The following BNC2 variants were observed in gnomAD, a reference collection of about 807,000 sequenced individuals.
The protein encoded by BNC2 is basonuclin zinc finger protein 2, also known as zinc finger protein basonuclin-2.
BNC2 carries 20 observed loss-of-function variants against 76.3 expected under a neutral mutation model. That is an observed-to-expected ratio of 0.26 (90% CI 0.18 to 0.38). The LOEUF (loss-of-function observed/expected upper bound fraction) is 0.38. Ranked by LOEUF, BNC2 falls within the 10% of genes least tolerant of loss-of-function variation. BNC2 has a pLI of 1.00. For missense variants in BNC2, 1,382 were observed against 1,399.8 expected (o/e 0.99, Z 0.20); for synonymous variants, 582 against 514.8 (o/e 1.13, Z -1.77).
intron 3 of BNC2, among the ~76,000 whole-genome samples, chr9:16,715,616 G>C (rs1025120179): frequency 6.6e-6 from 1 of 152,146 alleles, no homozygotes; most frequent in South Asian, 2.1e-4. Flanking sequence ...TGGATTTTTG[G>C]CTCATCATTA....
chr9:16,830,646 T>C (rs1355953313), intron 1 of BNC2, among the ~76,000 whole-genome samples: 1 of 152,236 alleles, frequency 6.6e-6, no homozygotes, highest in African/African-American at 2.4e-5. Flanking sequence ...GATTGCCAAC[T>C]TACAAATCTT....
chr9:16,757,341 G>T (rs1825414875), intron 1 of BNC2, among the ~76,000 whole-genome samples: 1 of 152,106 alleles, frequency 6.6e-6, no homozygotes, highest in Non-Finnish European at 1.5e-5. Context: ...AATAGGAAAC[G>T]ATTATCTGAA....
chr9:16,540,156 ATTT>A (rs36075261), intron 5 of BNC2, among the ~76,000 whole-genome samples: 1 of 118,474 alleles, frequency 8.4e-6, no homozygotes. Flanking sequence ...ATTTAACGTG[ATTT>A]TTTTTTTTTT....
chr9:16,811,450 G>A (rs548946629), intron 1 of BNC2, among the ~76,000 whole-genome samples: 5 of 150,118 alleles, frequency 3.3e-5, no homozygotes, highest in Admixed American at 6.7e-5. Flanking sequence ...TACTCAGGAG[G>A]CTGAGGCAGG....
Position 16,437,055 on chromosome 9 carries a change from T to C in BNC2, c.1139A>G (p.Gln380Arg). 8.1e-6 allele frequency: 13 copies of C among 1,611,926 alleles called. No homozygotes were observed. The highest frequency in any genetic ancestry group is 1.3e-5 in the African/African-American group (1 of 74,998). The change falls in exon 6 of 7, where the codon CAA becomes CGA. Residue 380 changes from glutamine (Q) to arginine (R), a missense_variant. Coordinates refer to ENST00000380672, the MANE Select transcript of BNC2 (RefSeq NM_017637.6). ...GGTCAGGGCATTTCTATTGGGTGTT[T>C]GATCATTCTTATAAGGTGTGGGAGA... The part of the protein sequence containing the change: ...EVSPTPYKND[Q>R]TPNRNALTSI...
At chr9:16,528,519 A>G (rs936332097) in intron 5 of BNC2, among the ~76,000 whole-genome samples, 2 of 152,212 alleles carry the variant, frequency 1.3e-5, no homozygotes. Context: ...TACTTTGTTT[A>G]TGGTCCAGAG....
At chr9:16,580,685 C>G (rs1184391630) in intron 4 of BNC2, among the ~76,000 whole-genome samples, 1 of 152,024 alleles carries the variant, frequency 6.6e-6, no homozygotes. Context: ...CCAAGGCTAC[C>G]ATAGTAGATA....
At chr9:16,736,518 C>T (rs1451281833) in intron 2 of BNC2, among the ~76,000 whole-genome samples, 3 of 150,620 alleles carry the variant, frequency 2.0e-5, no homozygotes, top group Non-Finnish European at 4.4e-5. Context: ...CTCTGTCACC[C>T]AGGCTGGAGT....
In BNC2 at chr9:16,435,630, A is replaced by T; in HGVS notation, c.2564T>A (p.Val855Asp). The T allele has an allele frequency of 6.2e-7, 1 of 1,614,136 alleles. No individual in the cohort carries two copies. Among genetic ancestry groups the T allele is most frequent in the Non-Finnish European group, 8.5e-7 (1 of 1,180,012 alleles). ...GCAGACGTGCATCTCTTTCAAGTGA[A>T]CGTTCCTGTAGTGAAGTTTCACACT... ...SYSVKLHYRNVHLKEMHVCTV... is the reference protein window; with the variant it reads ...SYSVKLHYRNDHLKEMHVCTV... Residue 855 changes from valine (V) to aspartate (D), a missense_variant, in exon 6 of 7, where the codon GTT becomes GAT. Val to Asp is a radical substitution (Grantham distance 152). Coordinates refer to ENST00000380672, the MANE Select transcript of BNC2 (RefSeq NM_017637.6).
intron 1 of BNC2, among the ~76,000 whole-genome samples, chr9:16,802,168 G>C (rs1817800768): frequency 1.3e-5 from 2 of 152,296 alleles, no homozygotes; most frequent in East Asian, 3.9e-4. Flanking sequence ...GGCCAGTTAA[G>C]AGTGCAAATA....
intron 5 of BNC2, among the ~76,000 whole-genome samples, chr9:16,440,704 C>T (rs1009612593): frequency 6.6e-6 from 1 of 152,170 alleles, no homozygotes; most frequent in African/African-American, 2.4e-5. Context: ...TCTCCTGGCC[C>T]ACCACAATGC....
chr9:16,806,358 C>T (rs1375997023), intron 1 of BNC2, among the ~76,000 whole-genome samples: 2 of 151,626 alleles, frequency 1.3e-5, no homozygotes, highest in Non-Finnish European at 2.9e-5. Flanking sequence ...CAGAGTGAGG[C>T]TTAGTTTCTT....
At chr9:16,692,093 G>A (rs1042780530) in intron 3 of BNC2, among the ~76,000 whole-genome samples, 6 of 152,154 alleles carry the variant, frequency 3.9e-5, no homozygotes, top group African/African-American at 1.2e-4. Context: ...TTACAGGCGT[G>A]AGCCACTGCA....
intron 3 of BNC2, among the ~76,000 whole-genome samples, chr9:16,594,182 T>C (rs151298381): frequency 2.6e-5 from 4 of 152,256 alleles, no homozygotes; most frequent in African/African-American, 9.6e-5. Context: ...CAAGACAAGA[T>C]GAAGCTTAAA....
At position 16,734,155 on chromosome 9, in the gene BNC2, T is replaced by C. The variant is rs530783307; in HGVS notation, c.129+4205A>G. Among the ~76,000 whole-genome samples the C allele has an allele frequency of 3.7e-4, 57 of 152,314 alleles. 1 individual carries two copies. Among genetic ancestry groups the C allele is most frequent in the African/African-American group, 1.2e-3 (50 of 41,570 alleles). On this transcript the variant is annotated intron_variant, in intron 2 of 6. Transcript: ENST00000380672. ...AATTTATAGATGATCTAGCCAAGCC[T>C]AAATGTAGCAGCCTTTAATTCCGAT...
chr9:16,750,939 T>G (rs1175299472), intron 1 of BNC2, among the ~76,000 whole-genome samples: 3 of 152,242 alleles, frequency 2.0e-5, no homozygotes, highest in African/African-American at 7.2e-5. Flanking sequence ...TTCCACTGAC[T>G]GGTACTTCAG....
At chr9:16,496,497 G>A (rs1237921616) in intron 5 of BNC2, among the ~76,000 whole-genome samples, 1 of 152,216 alleles carries the variant, frequency 6.6e-6, no homozygotes, top group Non-Finnish European at 1.5e-5. Context: ...CTTAATGTCA[G>A]TTGATATTTT....
chr9:16,724,000 T>C (rs1020969277), intron 3 of BNC2, among the ~76,000 whole-genome samples: 5 of 152,232 alleles, frequency 3.3e-5, no homozygotes, highest in Admixed American at 2.0e-4. Context: ...TGTTACATCA[T>C]CGGGTGAATC....
intron 3 of BNC2, among the ~76,000 whole-genome samples, chr9:16,671,175 C>A (rs1294313681): frequency 6.6e-6 from 1 of 152,206 alleles, no homozygotes; most frequent in Non-Finnish European, 1.5e-5. Context: ...TTCATTTCTA[C>A]TCTAGGATCC....
Sources: allele counts gnomAD v4.1 joint callset (sites outside exome capture counted in the v4.1 genomes callset), GRCh38; gene constraint gnomAD v4.1.1; transcripts MANE v1.5; gene names NCBI Gene and HGNC (gene_info 2026-07-23, HGNC 2026-07-21).